The following SOX6 variants were observed in gnomAD, a reference collection of about 807,000 sequenced individuals.
The protein encoded by SOX6 is SRY-box transcription factor 6, also known as transcription factor SOX-6.
In SOX6, 11 loss-of-function variants were observed where a neutral mutation model predicts 97.8. The observed-to-expected ratio is 0.11, with a 90% CI of 0.07 to 0.19. The LOEUF is 0.19. Among genes scored for constraint, SOX6 ranks in the 10% least tolerant of loss-of-function variants. SOX6 has a pLI of 1.00. For synonymous variants in SOX6, 360 were observed against 371.4 expected (o/e 0.97, Z 0.35); for missense variants, 810 against 1,039.5 (o/e 0.78, Z 3.04).
At chr11:16,126,116 A>G (rs1236355193) in intron 6 of SOX6, among the ~76,000 whole-genome samples, 1 of 152,110 alleles carries the variant, frequency 6.6e-6, no homozygotes, top group African/African-American at 2.4e-5. Flanking sequence ...ATGGCCAAGC[A>G]TCAATCCACA....
At chr11:16,434,536 T>C (rs1859336034) in intron 1 of SOX6, 1 of 152,170 alleles carries the variant, frequency 6.6e-6, no homozygotes, top group Non-Finnish European at 1.5e-5. Context: ...TTTCTTCTTC[T>C]ATTCTCTCAT....
intron 6 of SOX6, among the ~76,000 whole-genome samples, chr11:16,132,474 A>AAG (rs1849836054): frequency 2.0e-5 from 3 of 147,276 alleles, no homozygotes; most frequent in Admixed American, 6.8e-5. Flanking sequence ...GAAAGAAAGA[A>AAG]AGAAAGAAAG....
chr11:16,604,541 G>A (rs1848310680), intron 4 of SOX6, among the ~76,000 whole-genome samples: 1 of 152,196 alleles, frequency 6.6e-6, no homozygotes, highest in Non-Finnish European at 1.5e-5. Context: ...ACCGGCGCCC[G>A]GGACGCGGAC....
At chr11:16,070,120 A>C (rs1274832376) in intron 9 of SOX6, among the ~76,000 whole-genome samples, 1 of 152,164 alleles carries the variant, frequency 6.6e-6, no homozygotes, top group Non-Finnish European at 1.5e-5. Flanking sequence ...GCGCCACTGC[A>C]CTCCAGCCTG....
chr11:16,570,981 T>C (rs115983828), intron 4 of SOX6, among the ~76,000 whole-genome samples: 14 of 152,162 alleles, frequency 9.2e-5, no homozygotes, highest in Non-Finnish European at 1.9e-4. Flanking sequence ...TATTCTCCCC[T>C]TTTTCATACC....
At chr11:16,234,528 A>G in intron 4 of SOX6, 54 bp downstream of exon 4, 1 of 1,046,490 alleles carries the variant, frequency 9.6e-7, no homozygotes, top group East Asian at 2.5e-5. Flanking sequence ...ACATTGTTAT[A>G]CAAAATAACA....
At chr11:16,149,677 G>A (rs1850408645) in intron 6 of SOX6, among the ~76,000 whole-genome samples, 1 of 152,108 alleles carries the variant, frequency 6.6e-6, no homozygotes. Context: ...CAATTCCTTT[G>A]ACTAGAATAA....
chr11:15,970,558 T>C lies in SOX6; in HGVS notation c.*2251A>G, dbSNP rs1418672332. 6.6e-6 allele frequency: 1 copy of C among 152,574 alleles called. No homozygotes were observed. Among genetic ancestry groups the C allele is most frequent in the Non-Finnish European group, 1.5e-5 (1 of 68,022 alleles). 9.5% of individuals were successfully genotyped at this position (152,574 alleles called of 1,614,324 possible). On this transcript the variant is annotated 3_prime_UTR_variant, in exon 16 of 16. Coordinates refer to ENST00000683767, the MANE Select transcript of SOX6 (RefSeq NM_001367873.1). Reference sequence around the variant, plus strand: ...TCAGTAAGACAATAATAAATACTCATTTTTTGAGAGAAAAAATGACCTCCT... The same window carrying C: ...TCAGTAAGACAATAATAAATACTCACTTTTTGAGAGAAAAAATGACCTCCT...
At chr11:16,719,169 A>T (rs1395127901) in intron 2 of SOX6, among the ~76,000 whole-genome samples, 2 of 152,204 alleles carry the variant, frequency 1.3e-5, no homozygotes, top group Non-Finnish European at 2.9e-5. Flanking sequence ...CTGAGTAATT[A>T]ATGAGGAAAC....
chr11:16,367,436 G>T (rs558504253), intron 1 of SOX6, among the ~76,000 whole-genome samples: 2 of 152,242 alleles, frequency 1.3e-5, no homozygotes, highest in Admixed American at 6.6e-5. Context: ...TGCCACTGGT[G>T]GCCCAAGTCA....
intron 9 of SOX6, among the ~76,000 whole-genome samples, chr11:16,057,026 G>A (rs1847832759): frequency 6.6e-6 from 1 of 152,148 alleles, no homozygotes. Flanking sequence ...TCCACAGCTT[G>A]CAGGATGACC....
intron 3 of SOX6, among the ~76,000 whole-genome samples, chr11:16,628,402 T>C (rs984608040): frequency 4.6e-5 from 7 of 152,036 alleles, no homozygotes; most frequent in African/African-American, 1.7e-4. Context: ...GGTGGGTGGA[T>C]CACTTGAGGT....
At chr11:16,285,295 G>T (rs1192683885) in intron 3 of SOX6, among the ~76,000 whole-genome samples, 1 of 152,134 alleles carries the variant, frequency 6.6e-6, no homozygotes, top group African/African-American at 2.4e-5. Context: ...CACTTTGGGA[G>T]GCCAAGGCAG....
chr11:16,283,019 GTATATATA>G (rs10581082), intron 3 of SOX6, among the ~76,000 whole-genome samples: 87 of 133,112 alleles, frequency 6.5e-4, no homozygotes, highest in African/African-American at 1.1e-3. Context: ...TGAGATGTGA[GTATATATA>G]TATATATATA....
At chr11:16,210,379 C>A (rs918518981) in intron 4 of SOX6, among the ~76,000 whole-genome samples, 5 of 152,060 alleles carry the variant, frequency 3.3e-5, no homozygotes, top group African/African-American at 9.7e-5. Flanking sequence ...GTTAAAGAAG[C>A]CAGTCACAAA....
chr11:16,141,498 G>C (rs1850139211), intron 6 of SOX6, among the ~76,000 whole-genome samples: 1 of 152,064 alleles, frequency 6.6e-6, no homozygotes, highest in Non-Finnish European at 1.5e-5. Context: ...ATCTCACTGG[G>C]GCTTGTCGGA....
chr11:16,028,777 G>A (rs886719597), intron 12 of SOX6, among the ~76,000 whole-genome samples: 1 of 152,096 alleles, frequency 6.6e-6, no homozygotes, highest in Non-Finnish European at 1.5e-5. Flanking sequence ...GGATGGGTGC[G>A]AGTGCTTTTA....
At chr11:16,407,535 A>G (rs1255520989) in intron 1 of SOX6, among the ~76,000 whole-genome samples, 4 of 152,182 alleles carry the variant, frequency 2.6e-5, no homozygotes, top group African/African-American at 7.2e-5. Flanking sequence ...ATATATCTCA[A>G]GCCAGTTACC....
At chr11:16,267,355 A>T (rs994200719) in intron 3 of SOX6, among the ~76,000 whole-genome samples, 1 of 151,674 alleles carries the variant, frequency 6.6e-6, no homozygotes, top group African/African-American at 2.4e-5. Flanking sequence ...AAAGAAAAAC[A>T]AATAATTTGA....
Sources: gnomAD v4.1 joint callset for allele counts (sites outside exome capture counted in the v4.1 genomes callset) on GRCh38, gnomAD v4.1.1 for gene constraint, MANE v1.5 for transcripts, NCBI Gene and HGNC (gene_info 2026-07-23, HGNC 2026-07-21) for gene names.